MCPH1: variants seen among roughly 807,000 people sequenced by gnomAD.
MCPH1 encodes the protein microcephalin 1, also known as microcephalin.
Under a neutral mutation model 84.5 loss-of-function variants are expected in MCPH1, and 104 were observed. That is an observed-to-expected ratio of 1.23 (90% CI 1.05 to 1.45). MCPH1 has a LOEUF of 1.45. MCPH1 is among the 40% of genes most tolerant of loss of function. The probability of loss-of-function intolerance (pLI) is 0.00; values close to 1 mark genes in which losing one functional copy is unlikely to be tolerated. For missense variants in MCPH1, 1,498 were observed against 1,005.7 expected, an observed-to-expected ratio of 1.49 and a Z score of -6.62; for synonymous variants, 514 against 366.8, an observed-to-expected ratio of 1.40 and a Z score of -4.58.
chr8:6,441,628 T>A (rs971495251), intron 6 of MCPH1, among the ~76,000 whole-genome samples: 1 of 152,220 alleles, frequency 6.6e-6, no homozygotes. Context: ...TAATTCTTTG[T>A]TGGGGGCACT....
At chr8:6,596,143 C>T (rs1420806784) in intron 12 of MCPH1, among the ~76,000 whole-genome samples, 3 of 152,142 alleles carry the variant, frequency 2.0e-5, no homozygotes, top group South Asian at 2.1e-4. Flanking sequence ...CCGTAAGCCA[C>T]GTGTGACACA....
chr8:6,441,996 C>A, intron 6 of MCPH1, 71 bp from the exon 7 acceptor site: 2 of 1,041,238 alleles, frequency 1.9e-6, no homozygotes, highest in Non-Finnish European at 3.0e-6. Context: ...AATAGGAGGA[C>A]TTCCTGCTGG....
intron 9 of MCPH1, among the ~76,000 whole-genome samples, chr8:6,466,188 G>A (rs1231922119): frequency 2.8e-5 from 4 of 144,746 alleles, no homozygotes; most frequent in Non-Finnish European, 6.0e-5. Context: ...CCAGGCTGGA[G>A]TGCAGTTGCG....
At chr8:6,564,013 G>T (rs571015696) in intron 12 of MCPH1, among the ~76,000 whole-genome samples, 1 of 127,038 alleles carries the variant, frequency 7.9e-6, no homozygotes, top group African/African-American at 3.0e-5. Flanking sequence ...ACGGAGTCTC[G>T]CTCTGTCGAC....
chr8:6,628,690 T>C (rs1796944334), intron 13 of MCPH1, among the ~76,000 whole-genome samples: 1 of 152,216 alleles, frequency 6.6e-6, no homozygotes, highest in Non-Finnish European at 1.5e-5. Flanking sequence ...ACTATTTTGC[T>C]GTACAAATTC....
At chr8:6,587,802 T>C (rs1027830974) in intron 12 of MCPH1, among the ~76,000 whole-genome samples, 2 of 152,128 alleles carry the variant, frequency 1.3e-5, no homozygotes, top group Non-Finnish European at 2.9e-5. Context: ...TGGACTAAGT[T>C]AAAGGATGGT....
chr8:6,591,537 T>G (rs1828458843), intron 12 of MCPH1, among the ~76,000 whole-genome samples: 2 of 152,222 alleles, frequency 1.3e-5, no homozygotes, highest in African/African-American at 4.8e-5. Flanking sequence ...TTAAAATACC[T>G]GAATGTCCTG....
intron 12 of MCPH1, chr8:6,503,390 G>T: frequency 1.1e-6 from 1 of 886,050 alleles, no homozygotes; most frequent in Non-Finnish European, 1.8e-6. Context: ...AGATGATGGT[G>T]AGTATAGGAT....
intron 3 of MCPH1, among the ~76,000 whole-genome samples, chr8:6,422,290 G>A (rs555649553): frequency 8.5e-5 from 13 of 152,268 alleles, no homozygotes; most frequent in African/African-American, 2.9e-4. Flanking sequence ...GGAAAATTTA[G>A]TTAAGTGGCG....
intron 3 of MCPH1, among the ~76,000 whole-genome samples, chr8:6,421,556 T>C (rs556592574): frequency 6.6e-6 from 1 of 152,126 alleles, no homozygotes; most frequent in South Asian, 2.1e-4. Flanking sequence ...AAAAAAAAAA[T>C]TCAAATGTTT....
At chr8:6,582,219 G>A (rs1405799482) in intron 12 of MCPH1, among the ~76,000 whole-genome samples, 8 of 152,222 alleles carry the variant, frequency 5.3e-5, no homozygotes, top group African/African-American at 1.4e-4. Flanking sequence ...TACTGTGCCT[G>A]TAAAGCATTT....
intron 1 of MCPH1, chr8:6,407,154 T>G: frequency 4.4e-6 from 1 of 225,988 alleles, no homozygotes; most frequent in Non-Finnish European, 8.9e-6. Context: ...CCTCCGGAAG[T>G]TGGTGTGGGG....
chr8:6,556,909 C>G (rs1163961943), intron 12 of MCPH1, among the ~76,000 whole-genome samples: 2 of 152,174 alleles, frequency 1.3e-5, no homozygotes, highest in Non-Finnish European at 2.9e-5. Flanking sequence ...TCTTCCCCCT[C>G]TGACTTCTTC....
chr8:6,421,750 C>T (rs1800235616), intron 3 of MCPH1, among the ~76,000 whole-genome samples: 1 of 152,120 alleles, frequency 6.6e-6, no homozygotes, highest in African/African-American at 2.4e-5. Flanking sequence ...CACTACTTTC[C>T]CCTTTACAGA....
chr8:6,598,566 G>A (rs1317309793), intron 12 of MCPH1, among the ~76,000 whole-genome samples: 1 of 152,234 alleles, frequency 6.6e-6, no homozygotes, highest in Non-Finnish European at 1.5e-5. Flanking sequence ...TCTCCTCGGG[G>A]CAAAGCAGGC....
intron 12 of MCPH1, among the ~76,000 whole-genome samples, chr8:6,511,869 CA>C (rs1815188750): frequency 1.3e-5 from 2 of 150,632 alleles, no homozygotes; most frequent in Admixed American, 1.3e-4. Context: ...TCTTTTTATA[CA>C]AACAGCCTAA....
intron 13 of MCPH1, chr8:6,626,927 T>C (rs1796763073): frequency 1.0e-6 from 1 of 984,636 alleles, no homozygotes; most frequent in Non-Finnish European, 1.2e-6. Context: ...ATTCAAGTGA[T>C]AAGACATACA....
chr8:6,558,590 G>A (rs993052097), intron 12 of MCPH1, among the ~76,000 whole-genome samples: 1 of 152,088 alleles, frequency 6.6e-6, no homozygotes, highest in African/African-American at 2.4e-5. Context: ...CAACTGTAAA[G>A]AGCCACATTG....
In MCPH1 at chr8:6,413,139, A is replaced by G. The variant is rs551321767; in HGVS notation, c.115-1626A>G. On this transcript the variant is annotated intron_variant, in intron 2 of 13. Coordinates refer to ENST00000344683, the MANE Select transcript of MCPH1 (RefSeq NM_024596.5). ...ATGAGTGTCTGAGCATGCCTTTATT[A>G]TACTGTTACCTTTGACTAATATTTT... Among the ~76,000 whole-genome samples the G allele has an allele frequency of 5.3e-5, 8 of 152,322 alleles. 1 individual carries two copies. The East Asian group carries it at 1.5e-3, about 29-fold the overall frequency.
Sources: allele counts gnomAD v4.1 joint callset (sites outside exome capture counted in the v4.1 genomes callset), GRCh38; gene constraint gnomAD v4.1.1; transcripts MANE v1.5; gene names NCBI Gene and HGNC (gene_info 2026-07-23, HGNC 2026-07-21).